The following DEFA4 variants were observed in gnomAD, a reference collection of about 807,000 sequenced individuals.
The protein encoded by DEFA4 is corticostatin.
Under a neutral mutation model 4.4 loss-of-function variants are expected in DEFA4, and 8 were observed. That is an observed-to-expected ratio of 1.82 (90% CI 1.07 to 3.29). The LOEUF (loss-of-function observed/expected upper bound fraction) is 3.29. Among genes scored for constraint, DEFA4 ranks in the 30% most tolerant of loss-of-function variants. The pLI is 0.00. For missense variants in DEFA4, 216 were observed against 127.0 expected, an observed-to-expected ratio of 1.70 and a Z score of -3.37; for synonymous variants, 77 against 46.5, an observed-to-expected ratio of 1.66 and a Z score of -2.67.
At position 6,936,757 on chromosome 8, in the gene DEFA4, C is replaced by T; in HGVS notation, c.143G>A (p.Trp48Ter). 6.2e-7 allele frequency: 1 copy of T among 1,611,024 alleles called. No individual in the cohort carries two copies. Among genetic ancestry groups the T allele is most frequent in the Middle Eastern group, 1.7e-4 (1 of 6,054 alleles). The change falls in exon 2 of 3, where the codon TGG becomes TAG. Residue 48 changes from tryptophan to a stop codon, truncating the protein, a stop_gained. Coordinates refer to ENST00000297435, the MANE Select transcript of DEFA4 (RefSeq NM_001925.3). LOFTEE classifies it low-confidence loss of function (END_TRUNC). ...AACCTGAAGAGCAGAGCTTTTATCCCATGCAAAGGAAATAGATATGTCCTG... is the reference window on the plus strand; with the variant it reads ...AACCTGAAGAGCAGAGCTTTTATCCTATGCAAAGGAAATAGATATGTCCTG... The part of the protein sequence containing the change: ...EDQDISISFA[W>*]DKSSALQVSG...
rs1585040378 is a variant in DEFA4, at chr8:6,935,922, A to T, written c.*98T>A. 49 of 1,570,152 alleles carry T rather than the reference A, an allele frequency of 3.1e-5. No homozygotes were observed. Among genetic ancestry groups the T allele is most frequent in the Non-Finnish European group, 3.9e-5 (45 of 1,144,784 alleles). ...AGCTCTCAAAGCAAATTATGAGCTCATTTTTCTCTATTCTGCAAGCTCAGC... is the reference window on the plus strand; with the variant it reads ...AGCTCTCAAAGCAAATTATGAGCTCTTTTTTCTCTATTCTGCAAGCTCAGC... On this transcript the variant is annotated 3_prime_UTR_variant, in exon 3 of 3. Transcript: ENST00000297435.
In DEFA4 at chr8:6,935,894, T is replaced by C; in HGVS notation, c.*126A>G. 1 of 1,328,594 alleles carries C rather than the reference T, an allele frequency of 7.5e-7. No individual in the cohort carries two copies. The highest frequency in any genetic ancestry group is 1.1e-6 in the Non-Finnish European group (1 of 934,016). 82.3% of individuals were successfully genotyped at this position (1,328,594 alleles called of 1,614,324 possible). ...AAGTATAGGAGAAACAACCATTTCC[T>C]GTAGCTCTCAAAGCAAATTATGAGC... On this transcript the variant is annotated 3_prime_UTR_variant, in exon 3 of 3. Coordinates refer to ENST00000297435, the MANE Select transcript of DEFA4 (RefSeq NM_001925.3).
chr8:6,936,814 GC>G lies in DEFA4; in HGVS notation c.85del (p.Ala29LeufsTer41). 2.5e-6 allele frequency: 4 copies of G among 1,613,750 alleles called. No individual in the cohort carries two copies. Among genetic ancestry groups the G allele is most frequent in the Non-Finnish European group, 3.4e-6 (4 of 1,179,876 alleles). On this transcript the variant is annotated frameshift_variant, in exon 2 of 3. Coordinates refer to ENST00000297435, the MANE Select transcript of DEFA4 (RefSeq NM_001925.3). LOFTEE classifies it high-confidence loss of function. ...AGPLQARGDE[A>X]PGQEQRGPED... is the part of the protein sequence containing the mutation. Reference sequence around the variant, plus strand: ...TGGCCCACGCTGCTCCTGGCCTGGAGCCTCATCACCTCTTGCCTGGAGTGGG... The same window carrying G: ...TGGCCCACGCTGCTCCTGGCCTGGAGCTCATCACCTCTTGCCTGGAGTGGG...
In DEFA4 at chr8:6,935,858, TG is replaced by T; in HGVS notation, c.*161del. ...GATATATATTTAGGATCAAGAAAGA[TG>T]TTAAGGACAAAGTATAGGAGAAACA... is the stretch of plus-strand genomic sequence containing the variant. On this transcript the variant is annotated 3_prime_UTR_variant, in exon 3 of 3. Coordinates refer to ENST00000297435, the MANE Select transcript of DEFA4 (RefSeq NM_001925.3). The T allele has an allele frequency of 1.1e-6, 1 of 881,914 alleles. No individual in the cohort carries two copies. 54.6% of individuals were successfully genotyped at this position (881,914 alleles called of 1,614,324 possible).
intron 1 of DEFA4, among the ~76,000 whole-genome samples, chr8:6,937,613 T>C (rs1808911980): frequency 6.6e-6 from 1 of 152,108 alleles, no homozygotes; most frequent in South Asian, 2.1e-4. Flanking sequence ...CAACATAGAC[T>C]TGAAAAGACC....
chr8:6,936,639 G>A, intron 2 of DEFA4, 89 bp downstream of exon 2: 1 of 1,354,060 alleles, frequency 7.4e-7, no homozygotes. Context: ...AGCCACCTAA[G>A]TGACATCCAC....
chr8:6,936,860 C>T lies in DEFA4; in HGVS notation c.40G>A (p.Ala14Thr). ...AGTGGGCCTGCCCGGACCTGGAGGG[C>T]TACCAAGAGAATAGCAGCGAGGAGG... ...IALLAAILLV[A>T]LQVRAGPLQA... The change falls in exon 2 of 3, where the codon GCC (alanine) becomes ACC (threonine). Residue 14 changes from alanine (A) to threonine (T), a missense_variant. Coordinates refer to ENST00000297435, the MANE Select transcript of DEFA4 (RefSeq NM_001925.3). The T allele has an allele frequency of 5.0e-6, 8 of 1,612,298 alleles. No individual in the cohort carries two copies. Among genetic ancestry groups the T allele is most frequent in the Non-Finnish European group, 6.8e-6 (8 of 1,179,164 alleles).
At position 6,936,840 on chromosome 8, in the gene DEFA4, G is replaced by T; in HGVS notation, c.60C>A (p.Gly20=). Residue 20 remains glycine (G), a synonymous_variant, in exon 2 of 3, where the codon GGC becomes GGA. Transcript: ENST00000297435. The part of the protein sequence containing the change: ...ILLVALQVRA[G]PLQARGDEAP... ...CCTCATCACCTCTTGCCTGGAGTGG[G>T]CCTGCCCGGACCTGGAGGGCTACCA... 2 of 1,613,162 alleles carry T rather than the reference G, an allele frequency of 1.2e-6. No individual in the cohort carries two copies. The highest frequency in any genetic ancestry group is 1.7e-6 in the Non-Finnish European group (2 of 1,179,586).
In DEFA4 at chr8:6,936,742, G is replaced by T; in HGVS notation, c.158C>A (p.Ala53Asp). The T allele has an allele frequency of 6.2e-7, 1 of 1,602,998 alleles. No homozygotes were observed. The highest frequency in any genetic ancestry group is 8.5e-7 in the Non-Finnish European group (1 of 1,173,378). ...SISFAWDKSS[A>D]LQVSGSTRGM... ...GCCTCTCTCACCTGAAACCTGAAGAGCAGAGCTTTTATCCCATGCAAAGGA... is the reference window on the plus strand; with the variant it reads ...GCCTCTCTCACCTGAAACCTGAAGATCAGAGCTTTTATCCCATGCAAAGGA... Residue 53 changes from alanine to aspartate, a missense_variant, in exon 2 of 3, where the codon GCT (alanine) becomes GAT (aspartate). Ala to Asp is a moderately radical substitution (Grantham distance 126, BLOSUM62 -2). Coordinates refer to ENST00000297435, the MANE Select transcript of DEFA4 (RefSeq NM_001925.3).
rs1808840947 is a variant in DEFA4, at chr8:6,936,151, C to T, written c.173-10G>A. 1.2e-5 allele frequency: 20 copies of T among 1,613,280 alleles called. No individual in the cohort carries two copies. The highest frequency in any genetic ancestry group is 1.6e-5 in the Non-Finnish European group (19 of 1,179,674). ...ATGCCCCTTGTTGAGCCTGGGAACA[C>T]AGAGGAAGCATGAGAAATTAAGCAC... On this transcript the variant is annotated splice_polypyrimidine_tract_variant and intron_variant, in intron 2 of 2. Coordinates refer to ENST00000297435, the MANE Select transcript of DEFA4 (RefSeq NM_001925.3).
At chr8:6,938,165 C>T (rs1042161292) in intron 1 of DEFA4, 61 bp downstream of exon 1, 1 of 152,142 alleles carries the variant, frequency 6.6e-6, no homozygotes, top group Non-Finnish European at 1.5e-5. Flanking sequence ...AGAGGTCAGA[C>T]TGGGGACACA....
chr8:6,936,287 T>C, intron 2 of DEFA4, 146 bp from the exon 3 acceptor site: 1 of 987,704 alleles, frequency 1.0e-6, no homozygotes, highest in Middle Eastern at 3.2e-4. Flanking sequence ...TCAATAGGAA[T>C]AAATACACAG....
intron 1 of DEFA4, among the ~76,000 whole-genome samples, chr8:6,937,113 G>A (rs970753442): frequency 6.6e-6 from 1 of 152,094 alleles, no homozygotes; most frequent in Non-Finnish European, 1.5e-5. Flanking sequence ...TTTCTTCACA[G>A]GAAGCTCTAT....
At position 6,937,742 on chromosome 8, in the gene DEFA4, A is replaced by C. The variant is rs2117340531; in HGVS notation, c.-13+484T>G. 2.0e-5 allele frequency among the ~76,000 whole-genome samples: 3 copies of C among 152,306 alleles called. 1 individual carries two copies. The South Asian group carries it at 6.2e-4, about 32-fold the overall frequency. On this transcript the variant is annotated intron_variant, in intron 1 of 2. Transcript: ENST00000297435. ...GCAATAAACAAATGGGAAAATAGAC[A>C]AGCGGGGCTGCATTGAACGCTAAAG...
At chr8:6,936,236 G>A (rs1022389110) in intron 2 of DEFA4, 95 bp from the exon 3 acceptor site, 1 of 1,526,636 alleles carries the variant, frequency 6.6e-7, no homozygotes, top group African/African-American at 1.4e-5. Flanking sequence ...GCTGACCGGT[G>A]ATGCTGGCTG....
Position 6,936,718 on chromosome 8 carries a change from C to T in DEFA4, c.172+10G>A, listed in dbSNP as rs1322888738. ...AGACTCGGTAGCTTTTTTATGCTGGCCTCTCTCACCTGAAACCTGAAGAGC... is the reference window on the plus strand; with the variant it reads ...AGACTCGGTAGCTTTTTTATGCTGGTCTCTCTCACCTGAAACCTGAAGAGC... On this transcript the variant is annotated intron_variant, in intron 2 of 2. Coordinates refer to ENST00000297435, the MANE Select transcript of DEFA4 (RefSeq NM_001925.3). The T allele has an allele frequency of 6.3e-7, 1 of 1,580,354 alleles. No individual in the cohort carries two copies. The highest frequency in any genetic ancestry group is 8.6e-7 in the Non-Finnish European group (1 of 1,159,226).
At chr8:6,936,960 T>C in intron 1 of DEFA4, 49 bp from the exon 2 acceptor site, 2 of 1,422,968 alleles carry the variant, frequency 1.4e-6, no homozygotes, top group Non-Finnish European at 9.3e-7. Flanking sequence ...AGAAGCCAGC[T>C]TGGATTTATA....
chr8:6,937,193 G>C (rs1239509231), intron 1 of DEFA4, among the ~76,000 whole-genome samples: 1 of 152,084 alleles, frequency 6.6e-6, no homozygotes, highest in East Asian at 1.9e-4. Context: ...CTGTTTTCAG[G>C]AAATACCTAA....
At chr8:6,936,349 G>A (rs891541802) in intron 2 of DEFA4, among the ~76,000 whole-genome samples, 1 of 152,154 alleles carries the variant, frequency 6.6e-6, no homozygotes, top group African/African-American at 2.4e-5. Context: ...GCTCTGATTT[G>A]TGTGCTTTTG....
Sources: allele counts gnomAD v4.1 joint callset (sites outside exome capture counted in the v4.1 genomes callset), GRCh38; gene constraint gnomAD v4.1.1; transcripts MANE v1.5; gene names NCBI Gene and HGNC (gene_info 2026-07-23, HGNC 2026-07-21).